PLCH2: variants seen among roughly 807,000 people sequenced by gnomAD.
PLCH2 encodes phospholipase C eta 2.
PLCH2 carries 98 observed loss-of-function variants against 134.7 expected under a neutral mutation model. The observed-to-expected ratio is 0.73, with a 90% CI of 0.62 to 0.86. The LOEUF is 0.86. Ranked by LOEUF, PLCH2 falls within the 40% of genes least tolerant of loss-of-function variation. The pLI is 0.00. For synonymous variants in PLCH2, 974 were observed against 827.5 expected (o/e 1.18, Z -3.04); for missense variants, 1,994 against 1,986.6 (o/e 1.00, Z -0.07).
upstream of PLCH2, among the ~76,000 whole-genome samples, chr1:2,472,014 C>T (rs1641348449): frequency 6.6e-6 from 1 of 152,154 alleles, no homozygotes; most frequent in African/African-American, 2.4e-5. Flanking sequence ...GCCCCAGCCC[C>T]ACAGGCCCCG....
chr1:2,499,788 C>G (rs923403499), intron 20 of PLCH2, 68 bp downstream of exon 20: 3 of 1,212,268 alleles, frequency 2.5e-6, no homozygotes, highest in Non-Finnish European at 3.6e-6. Context: ...CCCATGCCCC[C>G]CCATGTGTCC....
intron 2 of PLCH2, among the ~76,000 whole-genome samples, chr1:2,461,922 GT>G (rs1240527174): frequency 6.6e-6 from 1 of 151,968 alleles, no homozygotes; most frequent in African/African-American, 2.4e-5. Context: ...GGGACCCCCT[GT>G]CCCATCAGCT....
At chr1:2,478,372 C>G (rs41315658) in intron 1 of PLCH2, 104 bp from the exon 2 acceptor site, 2 of 1,402,058 alleles carry the variant, frequency 1.4e-6, no homozygotes, top group African/African-American at 1.4e-5. Context: ...CGCTGACGGC[C>G]GTGTTTCTCC....
chr1:2,450,475 C>T (rs1640141498), intron 2 of PLCH2, among the ~76,000 whole-genome samples: 1 of 151,350 alleles, frequency 6.6e-6, no homozygotes, highest in Non-Finnish European at 1.5e-5. Context: ...CTCGGCCTGC[C>T]TCCCTATTCA....
In PLCH2 at chr1:2,456,130, C is replaced by A. The variant is rs536317946; in HGVS notation, c.116-22346C>A. 2.4e-3 allele frequency among the ~76,000 whole-genome samples: 361 copies of A among 152,308 alleles called. 1 individual carries two copies. Among genetic ancestry groups the A allele is most frequent in the African/African-American group, 7.7e-3 (320 of 41,564 alleles). On this transcript the variant is annotated intron_variant, in intron 2 of 3. Coordinates refer to the PLCH2 transcript ENST00000609981. ...GGCGGTGTTGATGCCGTTTGGGATG[C>A]GGAGCCCAGAGGGGAGGCCCAGCTT...
At chr1:2,437,747 AC>A (rs2100514297) in intron 2 of PLCH2, among the ~76,000 whole-genome samples, 2 of 152,328 alleles carry the variant, frequency 1.3e-5, no homozygotes, top group East Asian at 3.9e-4. Context: ...TGTGCATACC[AC>A]ACACATACGT....
rs763728276 is a variant in PLCH2 at position 2,499,141 on chromosome 1, C to T, written c.2492C>T (p.Ala831Val). ...TTCATGGTGCACATGCCGGAGATCG[C>T]GCTGGTCCGCTTCCTCGTCTGGGAC... is the stretch of plus-strand genomic sequence containing the variant. The part of the protein sequence containing the change: ...LVFMVHMPEI[A>V]LVRFLVWDHD... The change falls in exon 19 of 22, where the codon GCG (alanine) becomes GTG (valine). Residue 831 changes from alanine to valine, a missense_variant. Physicochemically the swap from Ala to Val is moderately conservative, Grantham distance 64 (BLOSUM62 0). Coordinates refer to ENST00000378486, the MANE Select transcript of PLCH2 (RefSeq NM_014638.4). 6.8e-6 allele frequency: 11 copies of T among 1,612,988 alleles called. No homozygotes were observed. Among genetic ancestry groups the T allele is most frequent in the Admixed American group, 6.7e-5 (4 of 59,962 alleles).
At chr1:2,435,663 G>T (rs1301230661) in intron 2 of PLCH2, among the ~76,000 whole-genome samples, 1 of 152,106 alleles carries the variant, frequency 6.6e-6, no homozygotes, top group Non-Finnish European at 1.5e-5. Flanking sequence ...AGCACGCCTG[G>T]CCTGTTGTGA....
At chr1:2,462,692 G>A (rs1223761855), upstream of PLCH2, among the ~76,000 whole-genome samples, 1 of 152,134 alleles carries the variant, frequency 6.6e-6, no homozygotes, top group Non-Finnish European at 1.5e-5. Flanking sequence ...GGGCATCGCT[G>A]GGGTGGTTTC....
intron 2 of PLCH2, among the ~76,000 whole-genome samples, chr1:2,459,552 C>CCTGGTGGTCCTCCTTG (rs1640695858): frequency 8.3e-6 from 1 of 120,974 alleles, no homozygotes; most frequent in East Asian, 2.7e-4. Context: ...GGTCCTCCTT[C>CCTGGTGGTCCTCCTTG]CTGGTGGTCC....
intron 2 of PLCH2, 62 bp from the exon 3 acceptor site, chr1:2,479,672 C>T: frequency 6.7e-7 from 1 of 1,489,082 alleles, no homozygotes; most frequent in South Asian, 1.3e-5. Flanking sequence ...AGTGTTGGGG[C>T]TGCCAGCAGG....
chr1:2,496,900 A>G lies in PLCH2; in HGVS notation c.2006A>G (p.Gln669Arg). The change falls in exon 15 of 22, where the codon CAG (glutamine) becomes CGG (arginine). Residue 669 changes from glutamine (Q) to arginine (R), a missense_variant. Around this residue, in one of 2 missense-constraint regions of PLCH2, gnomAD observed 1,094 missense variants for 1,234.3 expected, o/e 0.89. Transcript: ENST00000378486. ...AHQILQQKPA[Q>R]YLRFNQQQLS... Reference sequence around the variant, plus strand: ...CAGATTCTGCAGCAGAAGCCGGCGCAGTACCTACGCTTCAACCAGCAGCAG... The same window carrying G: ...CAGATTCTGCAGCAGAAGCCGGCGCGGTACCTACGCTTCAACCAGCAGCAG... The G allele has an allele frequency of 6.2e-7, 1 of 1,613,094 alleles. No individual in the cohort carries two copies. The highest frequency in any genetic ancestry group is 8.5e-7 in the Non-Finnish European group (1 of 1,179,848).
intron 2 of PLCH2, among the ~76,000 whole-genome samples, chr1:2,459,561 C>T (rs61763913): frequency 1.4e-5 from 2 of 141,398 alleles, no homozygotes; most frequent in Non-Finnish European, 3.1e-5. Context: ...TCCTGGTGGT[C>T]CTCCTTGCCG....
chr1:2,435,787 G>A (rs1405408281), intron 2 of PLCH2, among the ~76,000 whole-genome samples: 1 of 150,876 alleles, frequency 6.6e-6, no homozygotes, highest in East Asian at 2.0e-4. Context: ...TGCGATGGGA[G>A]GCTCAGCTCA....
intron 1 of PLCH2, among the ~76,000 whole-genome samples, chr1:2,477,097 C>T (rs910463226): frequency 5.3e-5 from 8 of 152,158 alleles, no homozygotes; most frequent in Non-Finnish European, 8.8e-5. Flanking sequence ...GGGCCTTTGC[C>T]GTTAGGAGAC....
chr1:2,432,098 C>T (rs933956075), intron 2 of PLCH2, among the ~76,000 whole-genome samples: 15 of 152,200 alleles, frequency 9.9e-5, no homozygotes, highest in African/African-American at 2.7e-4. Context: ...GCGTCAGCTT[C>T]GTGCTGCCTC....
chr1:2,443,982 G>A (rs951323428), intron 2 of PLCH2, among the ~76,000 whole-genome samples: 24 of 152,232 alleles, frequency 1.6e-4, no homozygotes, highest in Middle Eastern at 6.8e-3. Flanking sequence ...AGTAGGTGCC[G>A]CTCCTGCCGC....
chr1:2,491,362 G>C, intron 11 of PLCH2, 27 bp downstream of exon 11: 1 of 1,604,494 alleles, frequency 6.2e-7, no homozygotes, highest in South Asian at 1.1e-5. Context: ...TGACACCCCT[G>C]ATGCCGACAG....
intron 2 of PLCH2, among the ~76,000 whole-genome samples, chr1:2,459,919 G>A (rs1307115872): frequency 1.3e-5 from 2 of 152,366 alleles, no homozygotes; most frequent in Non-Finnish European, 2.9e-5. Context: ...GTGAGGGGCC[G>A]GTCCATGCGG....
Sources: gnomAD v4.1 joint callset for allele counts (sites outside exome capture counted in the v4.1 genomes callset) on GRCh38, gnomAD v4.1.1 for gene constraint, gnomAD v4.1.1 regional missense constraint, MANE v1.5 for transcripts, NCBI Gene and HGNC (gene_info 2026-07-23, HGNC 2026-07-21) for gene names.